Variants in RYR1 observed in about 807,000 individuals in gnomAD.
RYR1 encodes central core disease of muscle.
In RYR1, 342 loss-of-function variants were observed where a neutral mutation model predicts 583.5. That is an observed-to-expected ratio of 0.59 (90% confidence interval 0.54 to 0.64). The LOEUF (loss-of-function observed/expected upper bound fraction) is 0.64. Among genes scored for constraint, RYR1 ranks in the 30% least tolerant of loss-of-function variants. The pLI is 0.00. For synonymous variants in RYR1, 2,791 were observed against 2,822.5 expected (o/e 0.99, Z 0.35); for missense variants, 6,032 against 6,917.2 (o/e 0.87, Z 4.54).
rs747311353 is a variant in RYR1 at position 38,489,523 on chromosome 19, T to G, written c.5814+80T>G. ...GGGTAGGTGGGATGTGAGTCTGGAC[T>G]TCGTCCTCAGGCAGTGGGGAGCTGT... On this transcript the variant is annotated intron_variant, in intron 35 of 105. Coordinates refer to ENST00000359596, the MANE Select transcript of RYR1 (RefSeq NM_000540.3). 1.2e-4 allele frequency: 181 copies of G among 1,537,286 alleles called. 1 individual carries two copies. The highest frequency in any genetic ancestry group is 4.0e-4 in the Middle Eastern group (2 of 5,030).
At chr19:38,461,260 C>T (rs575840662) in intron 20 of RYR1, among the ~76,000 whole-genome samples, 1 of 152,180 alleles carries the variant, frequency 6.6e-6, no homozygotes, top group South Asian at 2.1e-4. Context: ...TAGTGATACC[C>T]CGTCTTTATA....
chr19:38,462,846 G>C (rs373593426), intron 20 of RYR1, among the ~76,000 whole-genome samples: 1 of 151,974 alleles, frequency 6.6e-6, no homozygotes, highest in African/African-American at 2.4e-5. Flanking sequence ...CCCAGTCCAC[G>C]GGGGAGACAG....
chr19:38,552,870 T>C (rs536964143), intron 89 of RYR1, among the ~76,000 whole-genome samples: 8 of 152,182 alleles, frequency 5.3e-5, no homozygotes, highest in Non-Finnish European at 7.4e-5. Context: ...TGATTCACAA[T>C]TGAAAATGAG....
At chr19:38,503,939 T>C (rs933021841) in intron 49 of RYR1, among the ~76,000 whole-genome samples, 2 of 152,154 alleles carry the variant, frequency 1.3e-5, no homozygotes, top group African/African-American at 4.8e-5. Flanking sequence ...TGGATTAATA[T>C]TAGCACGCTT....
chr19:38,566,930 A>G lies in RYR1; in HGVS notation c.13457A>G (p.Glu4486Gly). ...RKLGVDGVEE[E>G]LPPEPEPEPE... ...CCCTAGGTGGATGGAGTGGAGGAGG[A>G]GCTCCCGCCAGAGCCAGAGCCCGAG... The change falls in exon 92 of 106, where the codon GAG becomes GGG. Residue 4486 changes from glutamate (E) to glycine (G), a missense_variant. Glu to Gly is a moderately conservative substitution (Grantham distance 98). This residue lies in a region of RYR1 where 753 missense variants were observed against 759.6 expected (regional missense o/e 0.99). Transcript: ENST00000359596. The G allele has an allele frequency of 6.2e-7, 1 of 1,605,692 alleles. No individual in the cohort carries two copies. Among genetic ancestry groups the G allele is most frequent in the Non-Finnish European group, 8.5e-7 (1 of 1,176,550 alleles).
chr19:38,535,586 A>C (rs997401783), intron 81 of RYR1, 194 bp downstream of exon 81: 1 of 650,848 alleles, frequency 1.5e-6, no homozygotes, highest in Admixed American at 2.3e-5. Context: ...CATAGACTTG[A>C]AGAATGAGTT....
chr19:38,489,284 AGAG>A lies in RYR1; in HGVS notation c.5658_5660del (p.Glu1887del). 6.2e-7 allele frequency: 1 copy of A among 1,606,458 alleles called. No individual in the cohort carries two copies. Among genetic ancestry groups the A allele is most frequent in the Non-Finnish European group, 8.5e-7 (1 of 1,173,224 alleles). The stretch of plus-strand genomic sequence containing the variant: ...AGGAGGACGAGGAGGAAGAGGGTGA[AGAG>A]GAAGATGAGGAGGAGAAGGAGGAGG... On this transcript the variant is annotated inframe_deletion, in exon 35 of 106. Coordinates refer to ENST00000359596, the MANE Select transcript of RYR1 (RefSeq NM_000540.3).
At chr19:38,506,198 G>C in intron 54 of RYR1, 105 bp from the exon 55 acceptor site, 1 of 1,244,330 alleles carries the variant, frequency 8.0e-7, no homozygotes, top group Non-Finnish European at 1.2e-6. Flanking sequence ...TTGAGCCAGG[G>C]GAGGGTGGAG....
chr19:38,519,417 C>G lies in RYR1; in HGVS notation c.10222C>G (p.Leu3408Val). The G allele has an allele frequency of 3.1e-6, 5 of 1,601,356 alleles. No homozygotes were observed. Among genetic ancestry groups the G allele is most frequent in the Non-Finnish European group, 4.3e-6 (5 of 1,174,998 alleles). The part of the protein sequence containing the change: ...FSVLCRDLYA[L>V]YPLLIRYVDN... ...TGTGCTCTGCCGGGACCTCTACGCC[C>G]TGTATCCGCTGCTCATCCGCTACGT... Residue 3408 changes from leucine to valine, a missense_variant, in exon 67 of 106, where the codon CTG (leucine) becomes GTG (valine). Coordinates refer to ENST00000359596, the MANE Select transcript of RYR1 (RefSeq NM_000540.3).
intron 34 of RYR1, among the ~76,000 whole-genome samples, chr19:38,486,940 T>C (rs570180334): frequency 3.2e-4 from 49 of 152,350 alleles, no homozygotes; most frequent in Admixed American, 2.9e-3. Flanking sequence ...CATTCATTCA[T>C]TCATGTACCC....
intron 70 of RYR1, among the ~76,000 whole-genome samples, chr19:38,524,722 T>C (rs1971392813): frequency 6.6e-6 from 1 of 152,232 alleles, no homozygotes. Context: ...TCCTTGTCTT[T>C]TTCAGTCTCT....
At chr19:38,528,192 C>T (rs1174352590) in intron 73 of RYR1, 114 bp from the exon 74 acceptor site, 1 of 855,000 alleles carries the variant, frequency 1.2e-6, no homozygotes, top group Non-Finnish European at 2.0e-6. Context: ...TTCCTTCTGC[C>T]GTGTGAGTCT....
chr19:38,509,345 A>G lies in RYR1; in HGVS notation c.8933-1153A>G, dbSNP rs1213468156. Among the ~76,000 whole-genome samples, 4 of 152,312 alleles carry G rather than the reference A, an allele frequency of 2.6e-5. No homozygotes were observed. The East Asian group carries it at 7.7e-4, about 29-fold the overall frequency. ...AATGGGGGTTGGGAACCAACTGCAC[A>G]GACCTCCAAGTTGTAAGGAGACTGT... On this transcript the variant is annotated intron_variant, in intron 58 of 105. Transcript: ENST00000359596.
chr19:38,469,572 G>A (rs929480101), intron 27 of RYR1, 59 bp downstream of exon 27: 1 of 1,513,562 alleles, frequency 6.6e-7, no homozygotes, highest in African/African-American at 1.4e-5. Flanking sequence ...TCCTTCCACA[G>A]TGCTCTTCTT....
Position 38,507,781 on chromosome 19 carries a change from G to A in RYR1, c.8886G>A (p.Gln2962=). The A allele has an allele frequency of 6.2e-7, 1 of 1,613,932 alleles. No homozygotes were observed. ...GGTTTGCCTTTGGCTTCCTGCAGCAGCTGCTGCGCTGGATGGACATTTCTC... is the reference window on the plus strand; with the variant it reads ...GGTTTGCCTTTGGCTTCCTGCAGCAACTGCTGCGCTGGATGGACATTTCTC... ...EKRFAFGFLQ[Q]LLRWMDISQE... Residue 2962 remains glutamine (Q), a synonymous_variant, in exon 58 of 106, where the codon CAG becomes CAA. Transcript: ENST00000359596.
intron 3 of RYR1, 105 bp downstream of exon 3, chr19:38,442,558 G>A (rs1972745089): frequency 3.9e-6 from 3 of 767,216 alleles, no homozygotes; most frequent in East Asian, 2.6e-5. Context: ...CCCGGGGGTC[G>A]CTTACCATCT....
At chr19:38,451,465 A>G (rs1451473469) in intron 11 of RYR1, among the ~76,000 whole-genome samples, 1 of 152,130 alleles carries the variant, frequency 6.6e-6, no homozygotes, top group African/African-American at 2.4e-5. Context: ...AGACAGAGAC[A>G]GGAAGGAGAT....
intron 3 of RYR1, among the ~76,000 whole-genome samples, chr19:38,443,150 C>T (rs1176537239): frequency 1.3e-5 from 2 of 152,204 alleles, no homozygotes; most frequent in African/African-American, 4.8e-5. Flanking sequence ...TGTCCCAGAG[C>T]ACACGGGCTG....
intron 63 of RYR1, among the ~76,000 whole-genome samples, 198 bp from the exon 64 acceptor site, chr19:38,514,828 C>T (rs1970883879): frequency 1.3e-5 from 2 of 152,052 alleles, no homozygotes; most frequent in African/African-American, 4.8e-5. Context: ...CTATAACTAT[C>T]CCCATGTTAC....
Sources: allele counts gnomAD v4.1 joint callset (sites outside exome capture counted in the v4.1 genomes callset), GRCh38; gene constraint gnomAD v4.1.1; regional missense constraint gnomAD v4.1.1; transcripts MANE v1.5; gene names NCBI Gene and HGNC (gene_info 2026-07-23, HGNC 2026-07-21).